Variants in MYO15B observed in about 807,000 individuals in gnomAD.
MYO15B encodes the protein myosin XVB pseudogene.
MYO15B carries 207 observed loss-of-function variants against 119.3 expected under a neutral mutation model. That is an observed-to-expected ratio of 1.73 (90% CI 1.55 to 1.95). The LOEUF (loss-of-function observed/expected upper bound fraction) is 1.95. MYO15B is among the 30% of genes most tolerant of loss of function. The probability of loss-of-function intolerance (pLI) is 0.00; values close to 1 mark genes in which losing one functional copy is unlikely to be tolerated. For synonymous variants in MYO15B, 966 were observed against 498.9 expected, an observed-to-expected ratio of 1.94 and a Z score of -12.48; for missense variants, 2,264 against 1,203.1, an observed-to-expected ratio of 1.88 and a Z score of -13.04.
At chr17:75,622,995 G>A (rs1439279420) in intron 53 of MYO15B, among the ~76,000 whole-genome samples, 2 of 152,150 alleles carry the variant, frequency 1.3e-5, no homozygotes, top group Admixed American at 6.5e-5. Context: ...ACCGCTCAGA[G>A]GTCAGGGAGT....
rs146025181 is a variant in MYO15B at position 75,622,687 on chromosome 17, G to A, written c.8082+607G>A. ...AAAAGCAAAAGGAAGTTATTGCAGT[G>A]GTCCCAGGTGAGGGATGGTGCTGGC... On this transcript the variant is annotated intron_variant, in intron 53 of 63. Transcript: ENST00000645453. 4.3e-3 allele frequency among the ~76,000 whole-genome samples: 658 copies of A among 152,344 alleles called. 5 individuals are homozygous for A. The highest frequency in any genetic ancestry group is 0.014 in the Middle Eastern group (4 of 294).
rs555796209 is a variant in MYO15B, at chr17:75,619,419, C to T, written c.7125C>T (p.Ile2375=). ...CCGAAGACAGCGTCAAGAAGCGCAT[C>T]GTGGTGGCCGCTCGGGACAACTGGG... The change falls in exon 45 of 64, where the codon ATC becomes ATT. Residue 2375 remains isoleucine (I), a synonymous_variant. Coordinates refer to ENST00000645453, the Ensembl canonical transcript of MYO15B. The T allele has an allele frequency of 1.5e-4, 107 of 702,700 alleles. 1 individual carries two copies. In the South Asian group the frequency reaches 1.6e-3, roughly 10 times the overall value. 43.5% of individuals were successfully genotyped at this position (702,700 alleles called of 1,614,324 possible). A position where few individuals can be genotyped will look rare whatever the true frequency, so the allele number is the denominator to read the frequency against.
chr17:75,615,009 G>A (rs754991447), exon 33 of MYO15B: 27 of 702,882 alleles, frequency 3.8e-5, no homozygotes, highest in Middle Eastern at 2.3e-4. Flanking sequence ...GGGAGGGGGC[G>A]CCATTGGGCC....
chr17:75,597,742 C>T (rs1266922616), intron 14 of MYO15B, among the ~76,000 whole-genome samples: 1 of 151,958 alleles, frequency 6.6e-6, no homozygotes, highest in African/African-American at 2.4e-5. Context: ...ATGAAAAAAC[C>T]CTGTCTCTAC....
At chr17:75,606,083 G>A in intron 21 of MYO15B, 62 bp downstream of exon 21, 1 of 622,836 alleles carries the variant, frequency 1.6e-6, no homozygotes, top group Non-Finnish European at 2.9e-6. Context: ...TCGTCCTCCA[G>A]GTGGTGGGGC....
At chr17:75,622,015 T>C in exon 53 of MYO15B, 1 of 702,886 alleles carries the variant, frequency 1.4e-6, no homozygotes, top group Non-Finnish European at 2.6e-6. Context: ...CCTGATGCGG[T>C]TTATGGGTGA....
chr17:75,602,340 GAATGGAA>G (rs143880512), intron 15 of MYO15B, 170 bp from the exon 16 acceptor site: 10,235 of 698,810 alleles, frequency 0.015, 585 homozygotes, highest in African/African-American at 0.14. Flanking sequence ...CCATGGGGTG[GAATGGAA>G]AGTCCAGTGG....
exon 54 of MYO15B, chr17:75,623,839 C>T (rs981344725): frequency 1.9e-5 from 13 of 695,848 alleles, no homozygotes; most frequent in East Asian, 8.1e-5. Context: ...AAGCAGGTCA[C>T]GGGACACCCC....
intron 58 of MYO15B, 52 bp from the exon 59 acceptor site, chr17:75,624,719 A>G: frequency 1.4e-6 from 1 of 702,554 alleles, no homozygotes; most frequent in Non-Finnish European, 2.6e-6. Context: ...CTGGGGTGGC[A>G]GGGCCGGGTG....
Position 75,615,954 on chromosome 17 carries a change from G to A in MYO15B, c.6030+70G>A, listed in dbSNP as rs549883841. On this transcript the variant is annotated intron_variant, in intron 36 of 63. Coordinates refer to ENST00000645453, the Ensembl canonical transcript of MYO15B. ...ACTGCAGGGGCAGGGGACATGGGCA[G>A]GGTGAGTAGGCAGACACAGGGAAGA... is the stretch of plus-strand genomic sequence containing the variant. 32 of 606,636 alleles carry A rather than the reference G, an allele frequency of 5.3e-5. No homozygotes were observed. In the South Asian group the frequency reaches 6.2e-4, roughly 12 times the overall value. 37.6% of individuals were successfully genotyped at this position (606,636 alleles called of 1,614,324 possible).
exon 59 of MYO15B, chr17:75,624,823 G>A (rs1021552069): frequency 4.3e-6 from 3 of 702,884 alleles, no homozygotes; most frequent in African/African-American, 1.7e-5. Context: ...GCGTGGTAGT[G>A]GACCAGGACG....
At chr17:75,608,180 G>A (rs1015966722) in intron 21 of MYO15B, among the ~76,000 whole-genome samples, 2 of 151,820 alleles carry the variant, frequency 1.3e-5, no homozygotes, top group East Asian at 3.9e-4. Flanking sequence ...GTGCAGTGGC[G>A]CCATCTCAGC....
chr17:75,599,770 C>T (rs1390161515), intron 14 of MYO15B, among the ~76,000 whole-genome samples: 1 of 150,870 alleles, frequency 6.6e-6, no homozygotes, highest in South Asian at 2.1e-4. Context: ...TGGCGGGTGC[C>T]TGTAGTCCCA....
At chr17:75,608,254 G>C (rs1412360161) in intron 21 of MYO15B, among the ~76,000 whole-genome samples, 4 of 151,908 alleles carry the variant, frequency 2.6e-5, no homozygotes, top group African/African-American at 9.7e-5. Flanking sequence ...GAGTAGCTGG[G>C]ATTACAGGCA....
chr17:75,621,837 C>CA (rs1233865107), intron 52 of MYO15B, 167 bp from the exon 53 acceptor site: 1 of 612,392 alleles, frequency 1.6e-6, no homozygotes, highest in African/African-American at 1.8e-5. Context: ...CCAGGAGCCT[C>CA]AGTTTCCCCA....
Position 75,589,063 on chromosome 17 carries a change from G to A in MYO15B, c.1006G>A (p.Ala336Thr). 3 of 395,972 alleles carry A rather than the reference G, an allele frequency of 7.6e-6. No homozygotes were observed. The highest frequency in any genetic ancestry group is 1.3e-5 in the Non-Finnish European group (3 of 224,282). 24.5% of individuals were successfully genotyped at this position (395,972 alleles called of 1,614,324 possible). Residue 336 changes from alanine (A) to threonine (T), a missense_variant, in exon 1 of 64, where the codon GCC (alanine) becomes ACC (threonine). By Grantham distance (58) the Ala-to-Thr change is moderately conservative. Coordinates refer to ENST00000645453, the Ensembl canonical transcript of MYO15B. This position sits in a 1 kb window ranked among gnomAD's most constrained non-coding sequence, Gnocchi z 4.2. ...GCCGGAGGACCCAGCCCCGCTGGCG[G>A]CCCTCCTGGTGGTCCGCAGGCTCCT...
At chr17:75,615,935 G>A in intron 36 of MYO15B, 51 bp downstream of exon 36, 2 of 619,476 alleles carry the variant, frequency 3.2e-6, no homozygotes, top group Non-Finnish European at 5.8e-6. Flanking sequence ...GGGGACTGCA[G>A]GGGCAGGGGA....
rs182664474 is a variant in MYO15B, at chr17:75,596,205, C to T, written c.3298-255C>T. 7.5e-4 allele frequency among the ~76,000 whole-genome samples: 114 copies of T among 152,250 alleles called. No homozygotes were observed. The East Asian group carries it at 0.01, about 14-fold the overall frequency. On this transcript the variant is annotated intron_variant, in intron 12 of 63. Transcript: ENST00000645453. ...GTCGCCTTCCAAGCCACAGGATGGC[C>T]GTGACAAGAGGCCCAAAGGCTCGCA...
chr17:75,605,963 A>C, exon 21 of MYO15B: 1 of 702,654 alleles, frequency 1.4e-6, no homozygotes, highest in South Asian at 1.5e-5. Flanking sequence ...CCACACCTGC[A>C]TCTCCCGCCA....
Sources: allele counts gnomAD v4.1 joint callset (sites outside exome capture counted in the v4.1 genomes callset), GRCh38; gene constraint gnomAD v4.1.1; non-coding constraint Gnocchi (gnomAD v3.1); transcripts MANE v1.5; gene names NCBI Gene and HGNC (gene_info 2026-07-23, HGNC 2026-07-21).